The following FAM124A variants were observed in gnomAD, a reference collection of about 807,000 sequenced individuals.
FAM124A encodes family with sequence similarity 124 member A.
A neutral mutation model predicts 24.5 loss-of-function variants in FAM124A; 23 were observed. That is an observed-to-expected ratio of 0.94 (90% CI 0.68 to 1.33). The LOEUF (loss-of-function observed/expected upper bound fraction) is 1.33, where lower values mean the gene tolerates loss of function less well. Ranked by LOEUF, FAM124A falls within the 40% of genes most tolerant of loss-of-function variation. The pLI, the probability that FAM124A is intolerant of heterozygous loss-of-function variation, is 0.00. For synonymous variants in FAM124A, 287 were observed against 314.7 expected (o/e 0.91, Z 0.93); for missense variants, 623 against 722.8 (o/e 0.86, Z 1.58).
intron 2 of FAM124A, among the ~76,000 whole-genome samples, chr13:51,244,256 G>A (rs1321273603): frequency 6.6e-6 from 1 of 152,138 alleles, no homozygotes; most frequent in Admixed American, 6.5e-5. Flanking sequence ...TGTGTTCAGT[G>A]AAGTGTCTGT....
intron 2 of FAM124A, among the ~76,000 whole-genome samples, chr13:51,240,664 T>C (rs144620323): frequency 6.6e-6 from 1 of 152,228 alleles, no homozygotes; most frequent in Non-Finnish European, 1.5e-5. Context: ...CTGCTCTTCA[T>C]TGAGAACTCC....
chr13:51,261,556 A>G (rs1245099180), intron 3 of FAM124A, among the ~76,000 whole-genome samples: 1 of 118,272 alleles, frequency 8.5e-6, no homozygotes, highest in Non-Finnish European at 1.7e-5. Context: ...AAAAGAAGTG[A>G]ACTATGATTA....
chr13:51,276,841 C>T (rs182107060), intron 3 of FAM124A, among the ~76,000 whole-genome samples: 19 of 152,274 alleles, frequency 1.2e-4, no homozygotes, highest in African/African-American at 4.6e-4. Context: ...TCACACTGCT[C>T]ATGTTTCTGC....
At position 51,264,774 on chromosome 13, in the gene FAM124A, C is replaced by T. The variant is rs145623253; in HGVS notation, c.834+12573C>T. ...TCACAGTACTTGTGGCCATCTGATA[C>T]ACTCATATAACCAAATCAGAGTAAC... is the stretch of plus-strand genomic sequence containing the variant. On this transcript the variant is annotated intron_variant, in intron 3 of 3. Transcript: ENST00000322475. 1.1e-4 allele frequency among the ~76,000 whole-genome samples: 16 copies of T among 152,286 alleles called. No individual in the cohort carries two copies. In the East Asian group the frequency reaches 2.7e-3, roughly 26 times the overall value.
chr13:51,250,655 A>G (rs7322194), intron 2 of FAM124A, among the ~76,000 whole-genome samples: 101,380 of 152,074 alleles, frequency 0.67, 35,305 homozygotes, highest in Non-Finnish European at 0.79. Context: ...CCAGCAAGGG[A>G]CACAAAAGGT....
chr13:51,276,127 G>A (rs183955598), intron 3 of FAM124A, among the ~76,000 whole-genome samples: 367 of 152,300 alleles, frequency 2.4e-3, no homozygotes, highest in African/African-American at 8.4e-3. Flanking sequence ...GCCGGGTCTT[G>A]TAGAGCTTGC....
At chr13:51,280,196 A>C (rs1433147091) in intron 3 of FAM124A, among the ~76,000 whole-genome samples, 1 of 152,210 alleles carries the variant, frequency 6.6e-6, no homozygotes, top group Non-Finnish European at 1.5e-5. Flanking sequence ...TGCTTTAAAA[A>C]GTATTCTGTA....
At chr13:51,279,486 A>G (rs1359917513) in intron 3 of FAM124A, among the ~76,000 whole-genome samples, 2 of 152,186 alleles carry the variant, frequency 1.3e-5, no homozygotes, top group Admixed American at 6.5e-5. Context: ...CCCCAAACCC[A>G]TTATTTAATT....
At position 51,280,439 on chromosome 13, in the gene FAM124A, T is replaced by A; in HGVS notation, c.835-11T>A. 1 of 1,574,950 alleles carries A rather than the reference T, an allele frequency of 6.3e-7. No homozygotes were observed. Among genetic ancestry groups the A allele is most frequent in the Non-Finnish European group, 8.6e-7 (1 of 1,158,316 alleles). On this transcript the variant is annotated splice_polypyrimidine_tract_variant and intron_variant, in intron 3 of 3. Transcript: ENST00000322475. The stretch of plus-strand genomic sequence containing the variant: ...ATCCTGCACTAATGTGATCTGCCTC[T>A]CCCCCCACAGGCACAAAGGGTGCAT...
At chr13:51,265,983 A>C (rs918658596) in intron 3 of FAM124A, among the ~76,000 whole-genome samples, 5 of 152,254 alleles carry the variant, frequency 3.3e-5, no homozygotes, top group Admixed American at 3.3e-4. Flanking sequence ...TATTACATAT[A>C]TACTCATACA....
Position 51,251,420 on chromosome 13 carries a change from T to C in FAM124A, c.101-48T>C. On this transcript the variant is annotated intron_variant, in intron 2 of 3. Coordinates refer to ENST00000322475, the MANE Select transcript of FAM124A (RefSeq NM_001242312.2). This position sits in a 1 kb window ranked among gnomAD's most constrained non-coding sequence, Gnocchi z 5.3. ...GTCATCACTGGACACTTTAATGAAA[T>C]AATCATAATTGTATTCATTCATCCA... The C allele has an allele frequency of 1.4e-6, 2 of 1,477,538 alleles. No individual in the cohort carries two copies. Among genetic ancestry groups the C allele is most frequent in the Non-Finnish European group, 1.8e-6 (2 of 1,113,450 alleles). 91.5% of individuals were successfully genotyped at this position (1,477,538 alleles called of 1,614,324 possible).
Position 51,283,173 on chromosome 13 carries a change from CT to C in FAM124A, c.*1918del, listed in dbSNP as rs1954956433. ...TCTCCTGCCTCAGCCTCCCAAGTAG[CT>C]GCGACTACAGGTGCGCACCACAATG... On this transcript the variant is annotated 3_prime_UTR_variant, in exon 4 of 4. Coordinates refer to ENST00000322475, the MANE Select transcript of FAM124A (RefSeq NM_001242312.2). 6.6e-6 allele frequency: 1 copy of C among 152,300 alleles called. No homozygotes were observed. The allele number at this position is 152,300 out of a possible 1,614,324, so 9.4% of individuals were successfully genotyped here.
chr13:51,230,075 T>TTTTA (rs142911791), intron 1 of FAM124A, among the ~76,000 whole-genome samples: 3 of 150,918 alleles, frequency 2.0e-5, no homozygotes, highest in African/African-American at 7.3e-5. Context: ...AAATATTGAA[T>TTTTA]TATATATATA....
Position 51,255,781 on chromosome 13 carries a change from G to T in FAM124A, c.834+3580G>T, listed in dbSNP as rs192586096. ...GTAGTTCAGAAAAGCTGCTGCACAG[G>T]GGGAGGCTGGGCAAACAGAATAGCC... On this transcript the variant is annotated intron_variant, in intron 3 of 3. Coordinates refer to ENST00000322475, the MANE Select transcript of FAM124A (RefSeq NM_001242312.2). 1.6e-3 allele frequency among the ~76,000 whole-genome samples: 244 copies of T among 152,334 alleles called. 2 individuals carry two copies. The highest frequency in any genetic ancestry group is 5.8e-3 in the African/African-American group (241 of 41,564).
rs138998748 is a variant in FAM124A at position 51,280,873 on chromosome 13, C to T, written c.1258C>T (p.Leu420=). ...GACAGACGTGGACACAGGCCTGCGGCTGTCCTCATCGGACCTGTCTGTGGT... is the reference window on the plus strand; with the variant it reads ...GACAGACGTGGACACAGGCCTGCGGTTGTCCTCATCGGACCTGTCTGTGGT... ...QETDVDTGLR[L]SSSDLSVVSA... is the part of the protein sequence containing the mutation. The change falls in exon 4 of 4, where the codon CTG becomes TTG. Residue 420 remains leucine, a synonymous_variant. Transcript: ENST00000322475. 658 of 1,614,190 alleles carry T rather than the reference C, an allele frequency of 4.1e-4. 10 individuals carry two copies. The East Asian group carries it at 0.012, about 29-fold the overall frequency.
chr13:51,232,718 T>C (rs1361633825), intron 2 of FAM124A, among the ~76,000 whole-genome samples: 2 of 152,220 alleles, frequency 1.3e-5, no homozygotes, highest in Admixed American at 6.5e-5. Context: ...GAAAGCTCAG[T>C]TGAACTCTCT....
chr13:51,251,976 G>A lies in FAM124A; in HGVS notation c.609G>A (p.Ala203=). ...ILRRSPSQKK[A]DFCIFPIFSN... ...GGAGGAGCCCCAGCCAGAAGAAAGC[G>A]GACTTCTGCATCTTCCCTATTTTTT... is the stretch of plus-strand genomic sequence containing the variant. The change falls in exon 3 of 4, where the codon GCG becomes GCA. Residue 203 remains alanine (A), a synonymous_variant. Transcript: ENST00000322475. The surrounding 1 kb of genome is among the most constrained non-coding windows in gnomAD (Gnocchi z 5.3). The A allele has an allele frequency of 2.5e-6, 4 of 1,614,258 alleles. No homozygotes were observed. Among genetic ancestry groups the A allele is most frequent in the Non-Finnish European group, 3.4e-6 (4 of 1,180,050 alleles).
At chr13:51,236,770 T>G (rs751416859) in intron 2 of FAM124A, among the ~76,000 whole-genome samples, 2 of 152,168 alleles carry the variant, frequency 1.3e-5, no homozygotes. Context: ...TTTTATCACA[T>G]CTCCAAAAAA....
At chr13:51,225,692 A>C (rs909152256) in intron 1 of FAM124A, among the ~76,000 whole-genome samples, 1 of 152,160 alleles carries the variant, frequency 6.6e-6, no homozygotes, top group Non-Finnish European at 1.5e-5. Context: ...GAGATGATGA[A>C]GTGAAGGAAG....
Sources: gnomAD v4.1 joint callset for allele counts (sites outside exome capture counted in the v4.1 genomes callset) on GRCh38, gnomAD v4.1.1 for gene constraint, Gnocchi (gnomAD v3.1) non-coding constraint, MANE v1.5 for transcripts, NCBI Gene and HGNC (gene_info 2026-07-23, HGNC 2026-07-21) for gene names.